KAZN: variants seen among roughly 807,000 people sequenced by gnomAD.
KAZN encodes kazrin.
A neutral mutation model predicts 87.4 loss-of-function variants in KAZN; 40 were observed. That is an observed-to-expected ratio of 0.46 (90% CI 0.36 to 0.60). The LOEUF (loss-of-function observed/expected upper bound fraction) is 0.60. Ranked by LOEUF, KAZN falls within the 20% of genes least tolerant of loss-of-function variation. The pLI is 0.00. For synonymous variants in KAZN, 466 were observed against 458.3 expected (o/e 1.02, Z -0.22); for missense variants, 898 against 1,073.9 (o/e 0.84, Z 2.29).
chr1:15,100,420 A>G (rs2100706313), intron 10 of KAZN, among the ~76,000 whole-genome samples: 1 of 152,162 alleles, frequency 6.6e-6, no homozygotes, highest in South Asian at 2.1e-4. Context: ...CCTTTCACAT[A>G]CTGATGGCTT....
chr1:14,415,769 C>T (rs1387931948), intron 2 of KAZN, among the ~76,000 whole-genome samples: 1 of 152,126 alleles, frequency 6.6e-6, no homozygotes, highest in Non-Finnish European at 1.5e-5. Context: ...TCCCTGACTC[C>T]CTTCCCTACT....
chr1:14,535,033 C>G (rs566732561), intron 2 of KAZN, among the ~76,000 whole-genome samples: 90 of 152,270 alleles, frequency 5.9e-4, no homozygotes, highest in Non-Finnish European at 1.1e-3. Flanking sequence ...CTGATTCCAG[C>G]CCCTTTCTCC....
At chr1:13,922,210 A>C (rs537817935) in intron 1 of KAZN, among the ~76,000 whole-genome samples, 1 of 152,054 alleles carries the variant, frequency 6.6e-6, no homozygotes, top group Non-Finnish European at 1.5e-5. Context: ...GGCTCTGTCT[A>C]TTCTTTACAG....
chr1:14,416,702 A>G (rs1664792212), intron 2 of KAZN, among the ~76,000 whole-genome samples: 1 of 152,002 alleles, frequency 6.6e-6, no homozygotes. Flanking sequence ...ACGCCACTGC[A>G]CTCCAGCCTG....
intron 1 of KAZN, among the ~76,000 whole-genome samples, chr1:13,901,811 C>T (rs1639260993): frequency 1.3e-5 from 2 of 152,262 alleles, no homozygotes; most frequent in African/African-American, 4.8e-5. Flanking sequence ...ATGTGTCTCT[C>T]CAGCTGTCAG....
At chr1:13,981,087 CTTTATATATA>C (rs1275567621) in intron 1 of KAZN, among the ~76,000 whole-genome samples, 3 of 8,304 alleles carry the variant, frequency 3.6e-4, no homozygotes, top group East Asian at 1.1e-3. Context: ...AAAAATTACT[CTTTATATATA>C]TATATATATA....
At chr1:14,693,857 A>G (rs1641457197) in intron 1 of KAZN, among the ~76,000 whole-genome samples, 1 of 152,320 alleles carries the variant, frequency 6.6e-6, no homozygotes, top group South Asian at 2.1e-4. Context: ...CCCATTAAAA[A>G]GGCTGAACTG....
chr1:15,012,316 CA>C lies in KAZN; in HGVS notation c.419-22432del, dbSNP rs574554345. Reference sequence around the variant, plus strand: ...CCCAGAAGAAACTTCCGCTGCCTCCCATGGGGACCTCTGGGGCCAATCCACA... The same window carrying C: ...CCCAGAAGAAACTTCCGCTGCCTCCCTGGGGACCTCTGGGGCCAATCCACA... On this transcript the variant is annotated intron_variant, in intron 2 of 14. Coordinates refer to ENST00000376030, the MANE Select transcript of KAZN (RefSeq NM_201628.3). 1.8e-3 allele frequency among the ~76,000 whole-genome samples: 273 copies of C among 152,288 alleles called. 1 individual carries two copies. Among genetic ancestry groups the C allele is most frequent in the Middle Eastern group, 0.014 (4 of 294 alleles).
intron 1 of KAZN, among the ~76,000 whole-genome samples, chr1:14,033,155 A>G (rs964628566): frequency 6.6e-6 from 1 of 152,240 alleles, no homozygotes; most frequent in African/African-American, 2.4e-5. Flanking sequence ...TGCAGCAGAC[A>G]AGAATCAAAC....
intron 1 of KAZN, among the ~76,000 whole-genome samples, chr1:14,661,059 C>T (rs772269813): frequency 1.3e-5 from 2 of 152,102 alleles, no homozygotes; most frequent in Non-Finnish European, 2.9e-5. Flanking sequence ...GACTCTGTGC[C>T]GAGCCCTGTA....
intron 2 of KAZN, among the ~76,000 whole-genome samples, chr1:14,472,994 CA>C (rs1321476068): frequency 2.6e-5 from 4 of 152,100 alleles, no homozygotes; most frequent in Non-Finnish European, 5.9e-5. Flanking sequence ...ATACACCTTT[CA>C]GTTTCCTAAT....
At chr1:13,941,977 A>G (rs12135274) in intron 1 of KAZN, among the ~76,000 whole-genome samples, 21,128 of 152,210 alleles carry the variant, frequency 0.14, 1,561 homozygotes, top group Middle Eastern at 0.22. Context: ...AGTAGTCAAA[A>G]CAAAACAAGG....
At chr1:14,926,111 A>G (rs1659142968) in intron 1 of KAZN, among the ~76,000 whole-genome samples, 1 of 152,216 alleles carries the variant, frequency 6.6e-6, no homozygotes, top group Non-Finnish European at 1.5e-5. Context: ...TGCTTGCCAG[A>G]TGACCTGTCA....
intron 2 of KAZN, among the ~76,000 whole-genome samples, chr1:14,572,895 T>C (rs1004097728): frequency 1.3e-5 from 2 of 152,222 alleles, no homozygotes; most frequent in African/African-American, 4.8e-5. Flanking sequence ...AAGTACTTAC[T>C]ATATACCTAG....
At chr1:15,031,869 A>G (rs939904863) in intron 2 of KAZN, among the ~76,000 whole-genome samples, 2 of 152,080 alleles carry the variant, frequency 1.3e-5, no homozygotes, top group African/African-American at 4.8e-5. Context: ...GAAGATCCCA[A>G]GGTGCTAGGA....
chr1:15,075,700 T>G (rs1014479834), intron 8 of KAZN, among the ~76,000 whole-genome samples: 3 of 152,188 alleles, frequency 2.0e-5, no homozygotes, highest in African/African-American at 7.2e-5. Flanking sequence ...TATCTCAGCA[T>G]CCACTTTGCT....
intron 2 of KAZN, among the ~76,000 whole-genome samples, chr1:14,278,926 C>CTTTTTTTTTTTTTTTTTT: frequency 1.0e-5 from 1 of 97,770 alleles, no homozygotes; most frequent in Non-Finnish European, 1.9e-5. Flanking sequence ...TCAAATTCAG[C>CTTTTTTTTTTTTTTTTTT]TTTTTTTTTT....
rs146731710 is a variant in KAZN at position 14,802,609 on chromosome 1, G to A, written c.227-158075G>A. Reference sequence around the variant, plus strand: ...AAGTGTCTGGTCCCAGAGCGCAGCCGTCTCGGGGCTGGGAAACCTGCTCCT... The same window carrying A: ...AAGTGTCTGGTCCCAGAGCGCAGCCATCTCGGGGCTGGGAAACCTGCTCCT... On this transcript the variant is annotated intron_variant, in intron 1 of 14. Transcript: ENST00000376030. 3.5e-3 allele frequency among the ~76,000 whole-genome samples: 534 copies of A among 152,258 alleles called. 4 individuals are homozygous for A. The highest frequency in any genetic ancestry group is 0.011 in the African/African-American group (468 of 41,560).
chr1:14,443,135 C>T (rs903510831), intron 2 of KAZN, among the ~76,000 whole-genome samples: 9 of 152,170 alleles, frequency 5.9e-5, no homozygotes, highest in African/African-American at 2.2e-4. Context: ...TTTGGCTCTT[C>T]CAAACGTGAT....
Sources: gnomAD v4.1 joint callset for allele counts (sites outside exome capture counted in the v4.1 genomes callset) on GRCh38, gnomAD v4.1.1 for gene constraint, MANE v1.5 for transcripts, NCBI Gene and HGNC (gene_info 2026-07-23, HGNC 2026-07-21) for gene names.